Variants in NALF1 observed in about 807,000 individuals in gnomAD.
NALF1 encodes NALCN channel auxiliary factor 1.
A neutral mutation model predicts 48.4 loss-of-function variants in NALF1; 3 were observed. That is an observed-to-expected ratio of 0.06 (90% confidence interval 0.03 to 0.16). The LOEUF (loss-of-function observed/expected upper bound fraction) is 0.16. NALF1 is among the 10% of genes least tolerant of loss of function. The pLI is 1.00. For missense variants in NALF1, 526 were observed against 571.5 expected (o/e 0.92, Z 0.81); for synonymous variants, 262 against 245.7 (o/e 1.07, Z -0.62).
intron 1 of NALF1, among the ~76,000 whole-genome samples, chr13:107,750,309 CGA>C (rs958566434): frequency 2.5e-4 from 38 of 152,190 alleles, no homozygotes; most frequent in African/African-American, 8.9e-4. Flanking sequence ...GCTGTCAAAG[CGA>C]GTGTCTATCT....
At chr13:107,191,349 T>C (rs1879276273) in intron 2 of NALF1, among the ~76,000 whole-genome samples, 1 of 152,140 alleles carries the variant, frequency 6.6e-6, no homozygotes. Flanking sequence ...TAACACTCAG[T>C]TGCAACTCTT....
chr13:107,564,282 T>C (rs1354619997), intron 1 of NALF1, among the ~76,000 whole-genome samples: 1 of 152,222 alleles, frequency 6.6e-6, no homozygotes, highest in South Asian at 2.1e-4. Flanking sequence ...TTTTTGTTTG[T>C]ATATGTGTGC....
At chr13:107,604,140 C>T (rs923566642) in intron 1 of NALF1, among the ~76,000 whole-genome samples, 2 of 152,096 alleles carry the variant, frequency 1.3e-5, no homozygotes, top group South Asian at 4.1e-4. Context: ...ACCGTTCCTC[C>T]CCCATTTTCT....
chr13:107,811,473 T>C (rs762797774), intron 1 of NALF1, among the ~76,000 whole-genome samples: 2 of 152,220 alleles, frequency 1.3e-5, no homozygotes, highest in Non-Finnish European at 2.9e-5. Context: ...ATTGACATTC[T>C]ATGTGTATGT....
At chr13:107,759,851 C>G (rs1380737112) in intron 1 of NALF1, among the ~76,000 whole-genome samples, 3 of 152,056 alleles carry the variant, frequency 2.0e-5, no homozygotes, top group Non-Finnish European at 2.9e-5. Context: ...TGTTGTCCCC[C>G]CCATCCTCCA....
At chr13:107,574,964 C>T (rs757462564) in intron 1 of NALF1, among the ~76,000 whole-genome samples, 27 of 151,998 alleles carry the variant, frequency 1.8e-4, no homozygotes, top group Non-Finnish European at 3.1e-4. Flanking sequence ...AAATATCTTG[C>T]GCATTATGAC....
intron 1 of NALF1, among the ~76,000 whole-genome samples, chr13:107,749,832 T>C (rs1390201027): frequency 2.0e-5 from 3 of 152,004 alleles, no homozygotes; most frequent in African/African-American, 7.2e-5. Context: ...GTTTGTTTGT[T>C]TGTTTGAGAC....
intron 1 of NALF1, among the ~76,000 whole-genome samples, chr13:107,239,294 T>C (rs1880416761): frequency 1.3e-5 from 2 of 152,262 alleles, no homozygotes; most frequent in Non-Finnish European, 2.9e-5. Context: ...GAGAAGCTAA[T>C]GTTCGGTGCC....
chr13:107,513,115 T>C (rs1875950077), intron 1 of NALF1, among the ~76,000 whole-genome samples: 1 of 152,230 alleles, frequency 6.6e-6, no homozygotes, highest in Non-Finnish European at 1.5e-5. Context: ...TGTGAAGGAC[T>C]GCATAAGGAT....
At chr13:107,348,536 G>A (rs9559013) in intron 1 of NALF1, among the ~76,000 whole-genome samples, 32,963 of 151,870 alleles carry the variant, frequency 0.22, 4,202 homozygotes, top group East Asian at 0.37. Flanking sequence ...TCAACCTGTC[G>A]TCTAGGTTTT....
chr13:107,642,444 ACAT>A lies in NALF1; in HGVS notation c.915+223235_915+223237del, dbSNP rs562704621. On this transcript the variant is annotated intron_variant, in intron 1 of 2. Coordinates refer to ENST00000375915, the MANE Select transcript of NALF1 (RefSeq NM_001080396.3). ...TGGTTTCCAATGAATAAAAAAATAG[ACAT>A]CATATGCCCAGCATATAAGATGTTA... Among the ~76,000 whole-genome samples the A allele has an allele frequency of 1.1e-3, 165 of 152,326 alleles. 1 individual carries two copies. The highest frequency in any genetic ancestry group is 3.9e-3 in the African/African-American group (162 of 41,592).
intron 1 of NALF1, among the ~76,000 whole-genome samples, chr13:107,731,089 T>C (rs1876296402): frequency 6.6e-6 from 1 of 152,124 alleles, no homozygotes; most frequent in African/African-American, 2.4e-5. Context: ...GTTAGAGCAT[T>C]AGAGCATTAT....
At chr13:107,621,897 A>G (rs1879526313) in intron 1 of NALF1, among the ~76,000 whole-genome samples, 1 of 152,168 alleles carries the variant, frequency 6.6e-6, no homozygotes. Context: ...CTTTGCTCCA[A>G]GGTTGGTTCC....
At chr13:107,335,152 C>A (rs945646186) in intron 1 of NALF1, among the ~76,000 whole-genome samples, 7 of 152,138 alleles carry the variant, frequency 4.6e-5, no homozygotes, top group Non-Finnish European at 8.8e-5. Context: ...TGCTTGCACA[C>A]AAGCTCTAGA....
chr13:107,644,046 G>A (rs1204476556), intron 1 of NALF1, among the ~76,000 whole-genome samples: 2 of 141,320 alleles, frequency 1.4e-5, no homozygotes, highest in Non-Finnish European at 3.1e-5. Flanking sequence ...TTATTTACAT[G>A]ACTTATTTTT....
intron 1 of NALF1, among the ~76,000 whole-genome samples, chr13:107,763,010 A>T (rs1232876389): frequency 1.3e-5 from 2 of 152,022 alleles, no homozygotes; most frequent in Non-Finnish European, 2.9e-5. Flanking sequence ...GGAGGCTGCA[A>T]GGAATAGCAA....
At chr13:107,673,416 G>A (rs960448438) in intron 1 of NALF1, among the ~76,000 whole-genome samples, 9 of 152,154 alleles carry the variant, frequency 5.9e-5, no homozygotes, top group African/African-American at 2.2e-4. Flanking sequence ...TTTACCACAG[G>A]AGAATTTTAG....
At chr13:107,245,850 T>C (rs184298704) in intron 1 of NALF1, among the ~76,000 whole-genome samples, 1 of 152,292 alleles carries the variant, frequency 6.6e-6, no homozygotes, top group African/African-American at 2.4e-5. Flanking sequence ...TACATCTCTT[T>C]CTAATACTGT....
At chr13:107,388,753 G>C (rs1369781387) in intron 1 of NALF1, among the ~76,000 whole-genome samples, 1 of 152,070 alleles carries the variant, frequency 6.6e-6, no homozygotes, top group Non-Finnish European at 1.5e-5. Flanking sequence ...TGCAGAATGT[G>C]GGGGAGCCTA....
Sources: gnomAD v4.1 joint callset for allele counts (sites outside exome capture counted in the v4.1 genomes callset) on GRCh38, gnomAD v4.1.1 for gene constraint, MANE v1.5 for transcripts, NCBI Gene and HGNC (gene_info 2026-07-23, HGNC 2026-07-21) for gene names.